Variants in BMPR1A observed in about 807,000 individuals in gnomAD.
BMPR1A encodes bone morphogenetic protein receptor type-1A.
In BMPR1A, 7 loss-of-function variants were observed where a neutral mutation model predicts 66.0. The observed-to-expected ratio is 0.11, with a 90% CI of 0.06 to 0.20. The LOEUF (loss-of-function observed/expected upper bound fraction) is 0.20, where lower values mean the gene tolerates loss of function less well. BMPR1A is among the 10% of genes least tolerant of loss of function. BMPR1A has a pLI of 1.00. For synonymous variants in BMPR1A, 200 were observed against 229.7 expected, an observed-to-expected ratio of 0.87 and a Z score of 1.17; for missense variants, 408 against 669.1, an observed-to-expected ratio of 0.61 and a Z score of 4.31.
intron 1 of BMPR1A, among the ~76,000 whole-genome samples, chr10:86,757,126 C>T (rs1258343565): frequency 1.3e-5 from 2 of 151,830 alleles, no homozygotes; most frequent in African/African-American, 4.8e-5. Context: ...CCGCGTCCCC[C>T]GCCGGCCCCT....
intron 8 of BMPR1A, among the ~76,000 whole-genome samples, chr10:86,914,082 T>G (rs1015329581): frequency 6.6e-6 from 1 of 151,492 alleles, no homozygotes; most frequent in Admixed American, 6.6e-5. Flanking sequence ...TTATGGAGTT[T>G]AGAAAGGAAC....
At position 86,801,774 on chromosome 10, in the gene BMPR1A, C is replaced by T. The variant is rs144821441; in HGVS notation, c.-267-37091C>T. Among the ~76,000 whole-genome samples the T allele has an allele frequency of 8.8e-3, 1,343 of 152,046 alleles. 23 individuals are homozygous for T. The highest frequency in any genetic ancestry group is 0.029 in the African/African-American group (1,212 of 41,470). On this transcript the variant is annotated intron_variant, in intron 1 of 12. Transcript: ENST00000372037. The stretch of plus-strand genomic sequence containing the variant: ...TGTCTCCCAGGCTGGAGTGCAGTGG[C>T]GCATGTTGGCTCACTGCAAGCTCTG...
intron 1 of BMPR1A, among the ~76,000 whole-genome samples, chr10:86,826,429 C>CACACACACACACACACAT (rs984543452): frequency 1.1e-4 from 16 of 151,968 alleles, no homozygotes; most frequent in African/African-American, 3.6e-4. Flanking sequence ...CACACACACA[C>CACACACACACACACACAT]ACACACACAC....
At chr10:86,765,285 A>G (rs1841144140) in intron 1 of BMPR1A, among the ~76,000 whole-genome samples, 1 of 152,010 alleles carries the variant, frequency 6.6e-6, no homozygotes, top group Non-Finnish European at 1.5e-5. Context: ...CAGGAACTCG[A>G]GACCAGCCTG....
downstream of BMPR1A, chr10:86,928,950 C>T (rs561424270): frequency 4.6e-5 from 7 of 151,740 alleles, 1 homozygote; most frequent in East Asian, 7.7e-4. Flanking sequence ...CCACTGCACC[C>T]GGCCTTATTC....
chr10:86,896,559 G>A lies in BMPR1A; in HGVS notation c.334-3235G>A, dbSNP rs143999956. Among the ~76,000 whole-genome samples, 1,406 of 152,220 alleles carry A rather than the reference G, an allele frequency of 9.2e-3. 19 individuals are homozygous for A. Among genetic ancestry groups the A allele is most frequent in the African/African-American group, 0.031 (1,280 of 41,520 alleles). ...GAAATAAGAGTTCAAGGAGAAATAAGAGTTCTAGTGTAAAATTTCTCATTG... is the reference window on the plus strand; with the variant it reads ...GAAATAAGAGTTCAAGGAGAAATAAAAGTTCTAGTGTAAAATTTCTCATTG... On this transcript the variant is annotated intron_variant, in intron 5 of 12. Coordinates refer to ENST00000372037, the MANE Select transcript of BMPR1A (RefSeq NM_004329.3).
chr10:86,790,285 CA>C (rs1459012941), intron 1 of BMPR1A, among the ~76,000 whole-genome samples: 4 of 122,848 alleles, frequency 3.3e-5, no homozygotes, highest in Middle Eastern at 5.8e-3. Flanking sequence ...TGTCTATAAT[CA>C]AAAAGATAGA....
rs566917139 is a variant in BMPR1A, at chr10:86,772,137, T to G, written c.-268+15218T>G. 4.2e-3 allele frequency among the ~76,000 whole-genome samples: 608 copies of G among 146,000 alleles called. 2 individuals are homozygous for G. Among genetic ancestry groups the G allele is most frequent in the Non-Finnish European group, 7.0e-3 (467 of 66,368 alleles). ...ATGGTCAGAGATAGGTTTTTTTTTTTTTTTTTTTTTTGAGACAGAGTCTTT... is the reference window on the plus strand; with the variant it reads ...ATGGTCAGAGATAGGTTTTTTTTTTGTTTTTTTTTTTGAGACAGAGTCTTT... On this transcript the variant is annotated intron_variant, in intron 1 of 12. Transcript: ENST00000372037.
intron 1 of BMPR1A, among the ~76,000 whole-genome samples, chr10:86,807,388 C>T (rs1052594051): frequency 6.6e-6 from 1 of 151,870 alleles, no homozygotes; most frequent in Non-Finnish European, 1.5e-5. Flanking sequence ...TTTTGACTTA[C>T]TTGTTTATCT....
At chr10:86,912,519 T>C in intron 8 of BMPR1A, 135 bp downstream of exon 8, 2 of 1,089,014 alleles carry the variant, frequency 1.8e-6, no homozygotes, top group Non-Finnish European at 2.8e-6. Flanking sequence ...GAAAGAGGTA[T>C]GCAGTATTGC....
At chr10:86,922,794 A>G (rs1843686307) in intron 11 of BMPR1A, among the ~76,000 whole-genome samples, 1 of 152,280 alleles carries the variant, frequency 6.6e-6, no homozygotes, top group Non-Finnish European at 1.5e-5. Context: ...GCAGGAAAGC[A>G]GACGTGCAGT....
intron 2 of BMPR1A, chr10:86,856,047 A>G: frequency 1.7e-6 from 1 of 603,852 alleles, no homozygotes; most frequent in Non-Finnish European, 3.2e-6. Flanking sequence ...TTTGTGCTTC[A>G]AAAAACTCAG....
Position 86,919,417 on chromosome 10 carries a change from A to G in BMPR1A, c.1114A>G (p.Lys372Glu), listed in dbSNP as rs1315674155. 6.2e-7 allele frequency: 1 copy of G among 1,613,214 alleles called. No homozygotes were observed. The highest frequency in any genetic ancestry group is 8.5e-7 in the Non-Finnish European group (1 of 1,179,854). The change falls in exon 10 of 13, where the codon AAA (lysine) becomes GAA (glutamate). Residue 372 changes from lysine to glutamate, a missense_variant. Physicochemically the swap from Lys to Glu is moderately conservative, Grantham distance 56 (BLOSUM62 1). Transcript: ENST00000372037. ...DLKSKNILIK[K>E]NGSCCIADLG... ...AAAGAGCAAAAACATCCTCATCAAG[A>G]AAAATGGGAGTTGCTGCATTGCTGA...
At chr10:86,907,616 C>A (rs1371674606) in intron 7 of BMPR1A, among the ~76,000 whole-genome samples, 1 of 152,174 alleles carries the variant, frequency 6.6e-6, no homozygotes, top group Admixed American at 6.5e-5. Flanking sequence ...GTGGTCCATA[C>A]AGTGGAATAT....
chr10:86,908,217 A>G (rs999510696), intron 7 of BMPR1A, among the ~76,000 whole-genome samples: 1 of 152,178 alleles, frequency 6.6e-6, no homozygotes, highest in Non-Finnish European at 1.5e-5. Flanking sequence ...TTCCCCACCC[A>G]AAGAAAAACA....
At position 86,832,347 on chromosome 10, in the gene BMPR1A, T is replaced by C. The variant is rs113665463; in HGVS notation, c.-267-6518T>C. On this transcript the variant is annotated intron_variant, in intron 1 of 12. Transcript: ENST00000372037. The stretch of plus-strand genomic sequence containing the variant: ...TGAGTGTGATGGCACATGCCTGTAG[T>C]CCCAGCTACTTGGGAGGCTGAGGCA... Among the ~76,000 whole-genome samples, 738 of 152,054 alleles carry C rather than the reference T, an allele frequency of 4.9e-3. 5 individuals are homozygous for C. Among genetic ancestry groups the C allele is most frequent in the African/African-American group, 0.017 (702 of 41,476 alleles).
chr10:86,796,310 C>T (rs946128340), intron 1 of BMPR1A, among the ~76,000 whole-genome samples: 2 of 151,874 alleles, frequency 1.3e-5, no homozygotes, highest in Non-Finnish European at 2.9e-5. Flanking sequence ...GAAGTTTAAG[C>T]ATTATTTGTA....
chr10:86,855,317 A>G (rs1842626015), intron 2 of BMPR1A: 1 of 958,768 alleles, frequency 1.0e-6, no homozygotes, highest in Admixed American at 2.8e-5. Flanking sequence ...GTCTCCTTCA[A>G]AACTTTAAGT....
chr10:86,776,682 A>C (rs893412137), intron 1 of BMPR1A, among the ~76,000 whole-genome samples: 6 of 152,200 alleles, frequency 3.9e-5, no homozygotes, highest in African/African-American at 1.2e-4. Flanking sequence ...CATGATATTC[A>C]ATCTCATGAT....
Sources: allele counts gnomAD v4.1 joint callset (sites outside exome capture counted in the v4.1 genomes callset), GRCh38; gene constraint gnomAD v4.1.1; transcripts MANE v1.5; gene names NCBI Gene and HGNC (gene_info 2026-07-23, HGNC 2026-07-21).